Variants in DDB1 observed in about 807,000 individuals in gnomAD.
DDB1 encodes DNA damage-binding protein 1.
A neutral mutation model predicts 133.1 loss-of-function variants in DDB1; 18 were observed. That is an observed-to-expected ratio of 0.14 (90% confidence interval 0.09 to 0.20). The LOEUF (loss-of-function observed/expected upper bound fraction) is 0.20, where lower values mean the gene tolerates loss of function less well. Among genes scored for constraint, DDB1 ranks in the 10% least tolerant of loss-of-function variants. The probability of loss-of-function intolerance (pLI) is 1.00; values close to 1 mark genes in which losing one functional copy is unlikely to be tolerated. For missense variants in DDB1, 828 were observed against 1,459.2 expected, an observed-to-expected ratio of 0.57 and a Z score of 7.05; for synonymous variants, 580 against 550.5, an observed-to-expected ratio of 1.05 and a Z score of -0.75.
At chr11:61,325,008 C>T (rs1031933984) in intron 6 of DDB1, among the ~76,000 whole-genome samples, 5 of 152,060 alleles carry the variant, frequency 3.3e-5, no homozygotes, top group Admixed American at 1.3e-4. Flanking sequence ...ATTAGCCGGG[C>T]GTGATGGCAC....
chr11:61,319,345 T>G (rs1856138988), intron 10 of DDB1, among the ~76,000 whole-genome samples: 1 of 152,248 alleles, frequency 6.6e-6, no homozygotes, highest in Non-Finnish European at 1.5e-5. Context: ...ACTCTGCCTA[T>G]TCATCAGCAA....
intron 4 of DDB1, among the ~76,000 whole-genome samples, chr11:61,328,461 T>C (rs1056906381): frequency 1.3e-5 from 2 of 152,216 alleles, no homozygotes; most frequent in Admixed American, 6.5e-5. Flanking sequence ...TTTACCAAGA[T>C]ACTGGCATGT....
chr11:61,306,004 T>TA (rs1855876280), intron 21 of DDB1, among the ~76,000 whole-genome samples: 1 of 152,244 alleles, frequency 6.6e-6, no homozygotes, highest in South Asian at 2.1e-4. Flanking sequence ...TAAAATACCT[T>TA]ATTCATTTCA....
At chr11:61,310,681 A>T in intron 18 of DDB1, 1 of 310,140 alleles carries the variant, frequency 3.2e-6, no homozygotes, top group South Asian at 7.2e-5. Flanking sequence ...AAAGGAACTC[A>T]GGTGACCTAA....
chr11:61,309,067 C>G lies in DDB1; in HGVS notation c.2577G>C (p.Gln859His). 3.1e-6 allele frequency: 5 copies of G among 1,614,164 alleles called. No homozygotes were observed. The highest frequency in any genetic ancestry group is 4.2e-6 in the Non-Finnish European group (5 of 1,180,038). Residue 859 changes from glutamine to histidine, a missense_variant, in exon 21 of 27, where the codon CAG becomes CAC. Physicochemically the swap from Gln to His is conservative, Grantham distance 24 (BLOSUM62 0). Coordinates refer to ENST00000301764, the MANE Select transcript of DDB1 (RefSeq NM_001923.5). ...VVFQYSDGKL[Q>H]TVAEKEVKGA... ...CTTTCACTTCCTTTTCAGCCACAGT[C>G]TGTAGTTTTCCTGGGGGTGGAAAAA...
chr11:61,322,193 A>G lies in DDB1; in HGVS notation c.1122+103T>C, dbSNP rs541891530. 10 of 924,670 alleles carry G rather than the reference A, an allele frequency of 1.1e-5. 1 individual carries two copies. The South Asian group carries it at 1.2e-4, about 11-fold the overall frequency. The allele number at this position is 924,670 out of a possible 1,614,324, so 57.3% of individuals were successfully genotyped here. A position where few individuals can be genotyped will look rare whatever the true frequency, so the allele number is the denominator to read the frequency against. ...CACTGGGATTCATGAGGGGGCTCTT[A>G]AAAGTATTTTCAGTGCACCCTCCCC... On this transcript the variant is annotated intron_variant, in intron 9 of 26. Coordinates refer to ENST00000301764, the MANE Select transcript of DDB1 (RefSeq NM_001923.5).
chr11:61,316,949 A>C (rs1207829017), intron 10 of DDB1, among the ~76,000 whole-genome samples: 1 of 6,364 alleles, frequency 1.6e-4, no homozygotes, highest in African/African-American at 1.4e-3. Context: ...AAGGATAGAT[A>C]TATATATATA....
At position 61,319,439 on chromosome 11, in the gene DDB1, CTTTTTTTTTT is replaced by C. The variant is rs367586506; in HGVS notation, c.1225+2146_1225+2155del. On this transcript the variant is annotated intron_variant, in intron 10 of 26. Coordinates refer to ENST00000301764, the MANE Select transcript of DDB1 (RefSeq NM_001923.5). ...ATGTCTCACTGCTTTCTTTTTTTTT[CTTTTTTTTTT>C]TGAGATGGAGTCTTGCTGTGACGCC... Among the ~76,000 whole-genome samples the C allele has an allele frequency of 7.1e-4, 104 of 145,524 alleles. 1 individual carries two copies. Among genetic ancestry groups the C allele is most frequent in the African/African-American group, 2.4e-3 (96 of 39,828 alleles).
chr11:61,314,550 A>G (rs1856034620), intron 12 of DDB1, 64 bp from the exon 13 acceptor site: 2 of 1,510,412 alleles, frequency 1.3e-6, no homozygotes, highest in South Asian at 2.6e-5. Flanking sequence ...AGGAGTGGAA[A>G]GGTGGTAAAT....
chr11:61,314,344 T>C lies in DDB1; in HGVS notation c.1553A>G (p.Tyr518Cys), dbSNP rs1242153999. The change falls in exon 13 of 27, where the codon TAT becomes TGT. Residue 518 changes from tyrosine (Y) to cysteine (C), a missense_variant. Transcript: ENST00000301764. ...GAGCTCCTGAGGATGGATCTGCAGA[T>C]AGTAGAGGGCCCTGCCTACAGCCAC... Reference protein sequence around the residue: ...VVVAVGRALYYLQIHPQELRQ... With the variant: ...VVVAVGRALYCLQIHPQELRQ... The C allele has an allele frequency of 1.2e-6, 2 of 1,613,882 alleles. No individual in the cohort carries two copies. Among genetic ancestry groups the C allele is most frequent in the Middle Eastern group, 1.7e-4 (1 of 6,056 alleles).
intron 14 of DDB1, 28 bp from the exon 15 acceptor site, chr11:61,313,997 T>C (rs1045479584): frequency 6.8e-5 from 110 of 1,614,060 alleles, no homozygotes; most frequent in Non-Finnish European, 9.2e-5. Context: ...ATTATGTTCT[T>C]GTTCCACATT....
rs773518376 is a variant in DDB1 at position 61,313,644 on chromosome 11, G to A, written c.1924C>T (p.Arg642Cys). 2 of 1,614,162 alleles carry A rather than the reference G, an allele frequency of 1.2e-6. No individual in the cohort carries two copies. The highest frequency in any genetic ancestry group is 1.1e-5 in the South Asian group (1 of 91,078). ...GTQPTVLRTF[R>C]SLSTTNVFAC... is the part of the protein sequence containing the mutation. Reference sequence around the variant, plus strand: ...AAGACGTTGGTGGTAGAAAGAGAACGAAAAGTCCTCAATACGGTGGGCTGG... The same window carrying A: ...AAGACGTTGGTGGTAGAAAGAGAACAAAAAGTCCTCAATACGGTGGGCTGG... Residue 642 changes from arginine (R) to cysteine (C), a missense_variant, in exon 16 of 27, where the codon CGT becomes TGT. Arg to Cys is a radical substitution (Grantham distance 180, BLOSUM62 -3). Coordinates refer to ENST00000301764, the MANE Select transcript of DDB1 (RefSeq NM_001923.5).
At chr11:61,300,724 G>C (rs901197386) in intron 26 of DDB1, 85 bp downstream of exon 26, 1 of 1,571,856 alleles carries the variant, frequency 6.4e-7, no homozygotes, top group Admixed American at 1.8e-5. Context: ...GAACTGAGGA[G>C]GAGAGGTGCC....
At position 61,302,736 on chromosome 11, in the gene DDB1, G is replaced by A. The variant is rs775271324; in HGVS notation, c.2958C>T (p.Asp986=). The A allele has an allele frequency of 3.5e-5, 57 of 1,614,046 alleles. No homozygotes were observed. The highest frequency in any genetic ancestry group is 2.5e-4 in the South Asian group (23 of 91,086). Reference sequence around the variant, plus strand: ...CCTCCTGGAGGTGCTGCCGCTCCTCGTCAGTGGTGGCAGCGCTGAAAGGCG... The same window carrying A: ...CCTCCTGGAGGTGCTGCCGCTCCTCATCAGTGGTGGCAGCGCTGAAAGGCG... ...VCQKDSAATT[D]EERQHLQEVG... The change falls in exon 24 of 27, where the codon GAC becomes GAT. Residue 986 remains aspartate, a synonymous_variant. Transcript: ENST00000301764.
Position 61,303,967 on chromosome 11 carries a change from C to T in DDB1, c.2730G>A (p.Met910Ile). ...CGCCCTTGGTCTTCAGGTAGAGGGC[C>T]ATGATGTTGTTGTAGTGGTTGCACT... Reference protein sequence around the residue: ...RTECNHYNNIMALYLKTKGDF... With the variant: ...RTECNHYNNIIALYLKTKGDF... The change falls in exon 22 of 27, where the codon ATG becomes ATA. Residue 910 changes from methionine to isoleucine, a missense_variant. By Grantham distance (10) the Met-to-Ile change is conservative. Around this residue, in one of 7 missense-constraint regions of DDB1, gnomAD observed 36 missense variants for 139.9 expected, o/e 0.26. Coordinates refer to ENST00000301764, the MANE Select transcript of DDB1 (RefSeq NM_001923.5). The T allele has an allele frequency of 6.2e-7, 1 of 1,614,036 alleles. No homozygotes were observed. Among genetic ancestry groups the T allele is most frequent in the Non-Finnish European group, 8.5e-7 (1 of 1,180,028 alleles).
intron 3 of DDB1, 50 bp downstream of exon 3, chr11:61,329,908 A>T: frequency 6.8e-7 from 1 of 1,476,024 alleles, no homozygotes; most frequent in East Asian, 2.3e-5. Flanking sequence ...TCCATGAATC[A>T]TGACAGCCCT....
chr11:61,326,761 C>T lies in DDB1; in HGVS notation c.664+18G>A. ...CCTAGACCCAGGTGGAGGCACATTT[C>T]CTAAACCCCCTACCAACCTGCGATC... On this transcript the variant is annotated intron_variant, in intron 5 of 26. Transcript: ENST00000301764. 1 of 1,608,686 alleles carries T rather than the reference C, an allele frequency of 6.2e-7. No individual in the cohort carries two copies. Among genetic ancestry groups the T allele is most frequent in the Non-Finnish European group, 8.5e-7 (1 of 1,175,036 alleles).
intron 24 of DDB1, 66 bp downstream of exon 24, chr11:61,302,516 T>C (rs1855815031): frequency 9.4e-6 from 15 of 1,603,522 alleles, no homozygotes; most frequent in Non-Finnish European, 1.3e-5. Context: ...CTCTCCCCAG[T>C]CCCTCAGAAT....
At position 61,314,097 on chromosome 11, in the gene DDB1, A is replaced by C. The variant is rs1222395591; in HGVS notation, c.1703T>G (p.Ile568Ser). 9.9e-6 allele frequency: 16 copies of C among 1,614,036 alleles called. No homozygotes were observed. In the Admixed American group the frequency reaches 2.7e-4, roughly 27 times the overall value. The change falls in exon 14 of 27, where the codon ATC becomes AGC. Residue 568 changes from isoleucine (I) to serine (S), a missense_variant. This residue lies in a region of DDB1 where 396 missense variants were observed against 554.1 expected (regional missense o/e 0.71). Coordinates refer to ENST00000301764, the MANE Select transcript of DDB1 (RefSeq NM_001923.5). Reference sequence around the variant, plus strand: ...TAGTTCAAAAGAGGGCAACTTCAAGATACGAGCCGAGATGTCCGTCCAGAG... The same window carrying C: ...TAGTTCAAAAGAGGGCAACTTCAAGCTACGAGCCGAGATGTCCGTCCAGAG... ...IGLWTDISAR[I>S]LKLPSFELLH...
Sources: gnomAD v4.1 joint callset for allele counts (sites outside exome capture counted in the v4.1 genomes callset) on GRCh38, gnomAD v4.1.1 for gene constraint, gnomAD v4.1.1 regional missense constraint, MANE v1.5 for transcripts, NCBI Gene and HGNC (gene_info 2026-07-23, HGNC 2026-07-21) for gene names.